PI15: variants seen among roughly 807,000 people sequenced by gnomAD.
PI15 encodes the protein 25 kDa trypsin inhibitor.
A neutral mutation model predicts 31.0 loss-of-function variants in PI15; 18 were observed. That is an observed-to-expected ratio of 0.58 (90% CI 0.40 to 0.86). PI15 has a LOEUF of 0.86. PI15 is among the 40% of genes least tolerant of loss of function. The probability of loss-of-function intolerance (pLI) is 0.00; values close to 1 mark genes in which losing one functional copy is unlikely to be tolerated. For synonymous variants in PI15, 118 were observed against 119.1 expected (o/e 0.99, Z 0.06); for missense variants, 282 against 328.1 (o/e 0.86, Z 1.09).
chr8:74,847,143 T>G (rs775562360), intron 5 of PI15, among the ~76,000 whole-genome samples: 1 of 152,160 alleles, frequency 6.6e-6, no homozygotes, highest in Non-Finnish European at 1.5e-5. Context: ...TTTATAACTT[T>G]GGGTAAATGC....
chr8:74,843,911 A>G (rs895144310), intron 2 of PI15, 70 bp from the exon 3 acceptor site: 4 of 811,176 alleles, frequency 4.9e-6, no homozygotes, highest in Non-Finnish European at 8.9e-6. Flanking sequence ...TAGTAGCACC[A>G]TTTATTTTGT....
intron 2 of PI15, among the ~76,000 whole-genome samples, chr8:74,834,715 G>A (rs899579189): frequency 1.3e-5 from 2 of 152,190 alleles, no homozygotes; most frequent in South Asian, 2.1e-4. Flanking sequence ...GTGGCCCTGA[G>A]CAAGGAATTC....
intron 2 of PI15, among the ~76,000 whole-genome samples, chr8:74,839,166 A>G (rs1810910942): frequency 6.6e-6 from 1 of 152,202 alleles, no homozygotes; most frequent in Non-Finnish European, 1.5e-5. Context: ...AAATGACTTC[A>G]GTGTGAATTC....
At chr8:74,838,799 G>C (rs1810905123) in intron 2 of PI15, among the ~76,000 whole-genome samples, 2 of 152,166 alleles carry the variant, frequency 1.3e-5, no homozygotes, top group Non-Finnish European at 2.9e-5. Flanking sequence ...GGAGTCCCAG[G>C]TAATTTTGGG....
chr8:74,848,728 TATATAGAG>T lies in PI15; in HGVS notation c.642-388_642-381del, dbSNP rs1237767147. Among the ~76,000 whole-genome samples the T allele has an allele frequency of 8.2e-4, 117 of 141,882 alleles. 1 individual carries two copies. Among genetic ancestry groups the T allele is most frequent in the Non-Finnish European group, 1.4e-3 (90 of 66,524 alleles). 93.1% of individuals were successfully genotyped at this position (141,882 alleles called of 152,430 possible). ...CAATATATATAAATATATATATATA[TATATAGAG>T]AGAGAGAGAGAGAGAGAGACGGAGT... On this transcript the variant is annotated intron_variant, in intron 5 of 5. Coordinates refer to ENST00000260113, the MANE Select transcript of PI15 (RefSeq NM_015886.5).
Position 74,825,390 on chromosome 8 carries a change from A to G in PI15, c.141A>G (p.Gln47=), listed in dbSNP as rs200297356. 20 of 1,613,422 alleles carry G rather than the reference A, an allele frequency of 1.2e-5. No individual in the cohort carries two copies. Among genetic ancestry groups the G allele is most frequent in the South Asian group, 3.3e-5 (3 of 91,066 alleles). Residue 47 remains glutamine (Q), a synonymous_variant, in exon 2 of 6, where the codon CAA becomes CAG. Coordinates refer to ENST00000260113, the MANE Select transcript of PI15 (RefSeq NM_015886.5). ...FTDIEAALKA[Q]LDSADIPKAR... Reference sequence around the variant, plus strand: ...ATATTGAAGCAGCTCTGAAAGCACAATTAGATTCAGCGGATATCCCCAAAG... The same window carrying G: ...ATATTGAAGCAGCTCTGAAAGCACAGTTAGATTCAGCGGATATCCCCAAAG...
rs1238752154 is a variant in PI15 at position 74,853,503 on chromosome 8, C to A, written c.*4250C>A. On this transcript the variant is annotated 3_prime_UTR_variant, in exon 6 of 6. Coordinates refer to ENST00000260113, the MANE Select transcript of PI15 (RefSeq NM_015886.5). ...TTGGGAGTTATTTTCTTTTTAAAAT[C>A]TTTTTATAGCTTGGCAATGTCCAAA... 3 of 152,348 alleles carry A rather than the reference C, an allele frequency of 2.0e-5. No individual in the cohort carries two copies. Among genetic ancestry groups the A allele is most frequent in the African/African-American group, 4.8e-5 (2 of 41,402 alleles). The allele number at this position is 152,348 out of a possible 1,614,324, so 9.4% of individuals were successfully genotyped here.
Position 74,854,184 on chromosome 8 carries a change from T to A in PI15, c.*4931T>A, listed in dbSNP as rs1811147800. On this transcript the variant is annotated 3_prime_UTR_variant, in exon 6 of 6. Transcript: ENST00000260113. ...TCATGTGTAACTATTATAGATAACATCCTAAACCTTCAGTTTAGATATATA... is the reference window on the plus strand; with the variant it reads ...TCATGTGTAACTATTATAGATAACAACCTAAACCTTCAGTTTAGATATATA... The A allele has an allele frequency of 6.6e-6, 1 of 152,050 alleles. No homozygotes were observed. Among genetic ancestry groups the A allele is most frequent in the Admixed American group, 6.6e-5 (1 of 15,252 alleles). The allele number at this position is 152,050 out of a possible 1,614,324, so 9.4% of individuals were successfully genotyped here. A position where few individuals can be genotyped will look rare whatever the true frequency, so the allele number is the denominator to read the frequency against.
chr8:74,835,195 T>TA (rs1390541480), intron 2 of PI15, among the ~76,000 whole-genome samples: 1 of 151,396 alleles, frequency 6.6e-6, no homozygotes, highest in Non-Finnish European at 1.5e-5. Flanking sequence ...TACTTTAGAA[T>TA]TTTTTTTATC....
intron 5 of PI15, 76 bp from the exon 6 acceptor site, chr8:74,849,042 A>G (rs955203998): frequency 7.7e-6 from 10 of 1,301,056 alleles, no homozygotes; most frequent in Non-Finnish European, 1.1e-5. Flanking sequence ...ACTTGTGAAC[A>G]TATGGCTTAA....
intron 2 of PI15, among the ~76,000 whole-genome samples, chr8:74,836,519 A>G (rs1327134347): frequency 6.6e-6 from 1 of 152,120 alleles, no homozygotes; most frequent in Non-Finnish European, 1.5e-5. Context: ...GGACTGGATG[A>G]GTTTACCTGG....
Position 74,851,966 on chromosome 8 carries a change from A to T in PI15, c.*2713A>T, listed in dbSNP as rs1035410792. On this transcript the variant is annotated 3_prime_UTR_variant, in exon 6 of 6. Coordinates refer to ENST00000260113, the MANE Select transcript of PI15 (RefSeq NM_015886.5). ...TTAAAGTTAATAATATAAAGTGGCC[A>T]TGTAAAATATTTTATTTTCCAGGCT... 1.3e-5 allele frequency: 2 copies of T among 152,508 alleles called. No homozygotes were observed. Among genetic ancestry groups the T allele is most frequent in the African/African-American group, 4.8e-5 (2 of 41,470 alleles). The allele number at this position is 152,508 out of a possible 1,614,324, so 9.4% of individuals were successfully genotyped here.
chr8:74,841,861 T>C (rs1810950720), intron 2 of PI15, among the ~76,000 whole-genome samples: 1 of 152,238 alleles, frequency 6.6e-6, no homozygotes, highest in African/African-American at 2.4e-5. Context: ...GATTTTTATA[T>C]GACCTCTGTG....
At chr8:74,848,475 TG>T (rs149304271) in intron 5 of PI15, among the ~76,000 whole-genome samples, 2,041 of 151,872 alleles carry the variant, frequency 0.013, 49 homozygotes, top group African/African-American at 0.046. Context: ...AATATTAGTT[TG>T]TTTTTTTAAT....
In PI15 at chr8:74,827,837, T is replaced by C. The variant is rs1452936043; in HGVS notation, c.273+2315T>C. On this transcript the variant is annotated intron_variant, in intron 2 of 5. Transcript: ENST00000260113. Reference sequence around the variant, plus strand: ...TATCAGAACCACTATATATGATTTATTTTGTAAGAACTAGCTCCAGTGCTG... The same window carrying C: ...TATCAGAACCACTATATATGATTTACTTTGTAAGAACTAGCTCCAGTGCTG... 3.3e-5 allele frequency among the ~76,000 whole-genome samples: 5 copies of C among 152,304 alleles called. No individual in the cohort carries two copies. In the East Asian group the frequency reaches 7.7e-4, roughly 24 times the overall value.
At position 74,854,928 on chromosome 8, in the gene PI15, T is replaced by C. The variant is rs1811159827; in HGVS notation, c.*5675T>C. 6.6e-6 allele frequency: 1 copy of C among 152,156 alleles called. No homozygotes were observed. The highest frequency in any genetic ancestry group is 1.5e-5 in the Non-Finnish European group (1 of 68,024). The allele number at this position is 152,156 out of a possible 1,614,324, so 9.4% of individuals were successfully genotyped here. ...TGATATAGTATTGTCAGTGTGTACA[T>C]ATATAAAACCTGTGTAAACCTCTGT... On this transcript the variant is annotated 3_prime_UTR_variant, in exon 6 of 6. Transcript: ENST00000260113.
At chr8:74,835,284 T>C (rs887017830) in intron 2 of PI15, among the ~76,000 whole-genome samples, 1 of 152,178 alleles carries the variant, frequency 6.6e-6, no homozygotes, top group Non-Finnish European at 1.5e-5. Flanking sequence ...AATAAAGTCA[T>C]TTAGAGTTTC....
chr8:74,846,809 A>C (rs901925623), intron 5 of PI15, among the ~76,000 whole-genome samples: 15 of 152,060 alleles, frequency 9.9e-5, no homozygotes, highest in African/African-American at 3.4e-4. Context: ...AGAAAGAGAG[A>C]GAGGAGGAGG....
intron 2 of PI15, among the ~76,000 whole-genome samples, chr8:74,828,800 T>G (rs1195578524): frequency 1.3e-5 from 2 of 152,072 alleles, no homozygotes; most frequent in Non-Finnish European, 2.9e-5. Context: ...TCAACCTAGT[T>G]TGTAATTCCT....
Sources: allele counts gnomAD v4.1 joint callset (sites outside exome capture counted in the v4.1 genomes callset), GRCh38; gene constraint gnomAD v4.1.1; transcripts MANE v1.5; gene names NCBI Gene and HGNC (gene_info 2026-07-23, HGNC 2026-07-21).